The following KIAA1328 variants were observed in gnomAD, a reference collection of about 807,000 sequenced individuals.
KIAA1328 encodes the protein protein hinderin.
KIAA1328 carries 52 observed loss-of-function variants against 68.1 expected under a neutral mutation model. That is an observed-to-expected ratio of 0.76 (90% CI 0.61 to 0.96). The LOEUF (loss-of-function observed/expected upper bound fraction) is 0.96, where lower values mean the gene tolerates loss of function less well. KIAA1328 is among the 40% of genes least tolerant of loss of function. The pLI is 0.00. For missense variants in KIAA1328, 641 were observed against 677.6 expected (o/e 0.95, Z 0.60); for synonymous variants, 232 against 239.4 (o/e 0.97, Z 0.28).
At chr18:37,121,491 G>A (rs529038061) in intron 7 of KIAA1328, among the ~76,000 whole-genome samples, 15 of 151,038 alleles carry the variant, frequency 9.9e-5, no homozygotes, top group South Asian at 2.1e-4. Flanking sequence ...TCCATCTATC[G>A]TTACAAATAA....
At chr18:37,062,559 C>T (rs1376050700) in intron 6 of KIAA1328, among the ~76,000 whole-genome samples, 2 of 151,818 alleles carry the variant, frequency 1.3e-5, no homozygotes, top group Non-Finnish European at 2.9e-5. Context: ...GGGTTCACGC[C>T]ATTCTCTTGC....
chr18:36,917,953 G>A (rs1041715930), intron 5 of KIAA1328, among the ~76,000 whole-genome samples: 3 of 151,942 alleles, frequency 2.0e-5, no homozygotes, highest in Non-Finnish European at 4.4e-5. Flanking sequence ...CATCTCCAGC[G>A]ATTTTAGACA....
At chr18:36,842,980 A>T (rs1405360505) in intron 3 of KIAA1328, among the ~76,000 whole-genome samples, 2 of 152,054 alleles carry the variant, frequency 1.3e-5, no homozygotes, top group Non-Finnish European at 2.9e-5. Context: ...ATCAAATGCC[A>T]ATTTTCCTGG....
rs540207704 is a variant in KIAA1328, at chr18:37,013,516, TC to T, written c.577-53370del. 3.4e-4 allele frequency among the ~76,000 whole-genome samples: 52 copies of T among 152,224 alleles called. No homozygotes were observed. The South Asian group carries it at 8.1e-3, about 24-fold the overall frequency. The stretch of plus-strand genomic sequence containing the variant: ...CCATCCCCCTCACTCCCCACAGTAC[TC>T]CCCAGTGTCTATTGTTGCCATCTTC... On this transcript the variant is annotated intron_variant, in intron 6 of 9. Transcript: ENST00000280020.
chr18:36,971,413 T>C (rs2052204268), intron 6 of KIAA1328, among the ~76,000 whole-genome samples: 1 of 152,142 alleles, frequency 6.6e-6, no homozygotes, highest in Non-Finnish European at 1.5e-5. Context: ...GTGGATCACC[T>C]GAGGTTGGGA....
intron 5 of KIAA1328, among the ~76,000 whole-genome samples, chr18:36,945,860 G>C (rs1010201417): frequency 1.3e-5 from 2 of 152,126 alleles, no homozygotes; most frequent in Non-Finnish European, 2.9e-5. Context: ...AAGCACTACA[G>C]GTAGTATTTG....
intron 6 of KIAA1328, among the ~76,000 whole-genome samples, chr18:37,006,936 A>T (rs2053806190): frequency 6.6e-6 from 1 of 152,180 alleles, no homozygotes; most frequent in South Asian, 2.1e-4. Context: ...AACTCAAAAG[A>T]GCAATGCCTG....
chr18:37,066,970 C>T lies in KIAA1328; in HGVS notation c.657C>T (p.Thr219=). ...GSYLSIARPQ[T]YYQTKQRPKS... is the part of the protein sequence containing the mutation. The stretch of plus-strand genomic sequence containing the variant: ...ACTTGAGCATAGCCAGACCACAGAC[C>T]TACTATCAAACCAAGCAAAGACCTA... The change falls in exon 7 of 10, where the codon ACC becomes ACT. Residue 219 remains threonine, a synonymous_variant. Transcript: ENST00000280020. The T allele has an allele frequency of 1.2e-6, 2 of 1,613,258 alleles. No individual in the cohort carries two copies. The highest frequency in any genetic ancestry group is 1.7e-6 in the Non-Finnish European group (2 of 1,179,536).
intron 6 of KIAA1328, among the ~76,000 whole-genome samples, chr18:37,053,718 G>A (rs988455955): frequency 6.6e-6 from 1 of 152,020 alleles, no homozygotes; most frequent in African/African-American, 2.4e-5. Context: ...CCTTCTTCAC[G>A]ATCTTGTGAG....
chr18:37,155,656 A>T (rs1181498177), intron 7 of KIAA1328, among the ~76,000 whole-genome samples: 2 of 152,014 alleles, frequency 1.3e-5, no homozygotes, highest in Non-Finnish European at 1.5e-5. Flanking sequence ...TTCTGGTTGG[A>T]TCATATCATT....
chr18:36,977,391 C>T (rs889053201), intron 6 of KIAA1328, among the ~76,000 whole-genome samples: 3 of 152,192 alleles, frequency 2.0e-5, no homozygotes, highest in East Asian at 1.9e-4. Flanking sequence ...TACACCTTTA[C>T]ACAGTGTTCA....
At chr18:37,230,021 A>G (rs1022355039), downstream of KIAA1328, 1 of 153,794 alleles carries the variant, frequency 6.5e-6, no homozygotes, top group Non-Finnish European at 1.4e-5. Flanking sequence ...GATTCATGCT[A>G]GAACATGTAA....
chr18:37,122,042 G>T (rs1031805296), intron 7 of KIAA1328, among the ~76,000 whole-genome samples: 3 of 152,064 alleles, frequency 2.0e-5, no homozygotes, highest in African/African-American at 7.2e-5. Flanking sequence ...TTTAGAATTT[G>T]AGTGCATTTA....
At chr18:37,013,160 A>C (rs1156369214) in intron 6 of KIAA1328, among the ~76,000 whole-genome samples, 1 of 152,132 alleles carries the variant, frequency 6.6e-6, no homozygotes, top group Non-Finnish European at 1.5e-5. Context: ...AGTCCTGTGG[A>C]CTTTCAGAGA....
At chr18:36,868,580 T>C (rs1191217574) in intron 4 of KIAA1328, among the ~76,000 whole-genome samples, 5 of 152,174 alleles carry the variant, frequency 3.3e-5, no homozygotes, top group African/African-American at 9.7e-5. Context: ...CCGCACAGAT[T>C]GTACTGTAGA....
At chr18:37,052,557 T>A (rs2055741143) in intron 6 of KIAA1328, among the ~76,000 whole-genome samples, 1 of 151,964 alleles carries the variant, frequency 6.6e-6, no homozygotes, top group Admixed American at 6.5e-5. Flanking sequence ...ATTATCTCTG[T>A]TCACTGACGA....
intron 4 of KIAA1328, among the ~76,000 whole-genome samples, chr18:36,867,236 T>C (rs1157899015): frequency 1.8e-4 from 27 of 152,190 alleles, no homozygotes; most frequent in Admixed American, 1.7e-3. Flanking sequence ...GAGAAATGAA[T>C]GGTTTAGCTT....
chr18:36,948,691 A>G (rs2051012469), intron 5 of KIAA1328, among the ~76,000 whole-genome samples: 2 of 151,866 alleles, frequency 1.3e-5, no homozygotes, highest in African/African-American at 4.8e-5. Context: ...CTCAGATTAC[A>G]GGCATGCGCC....
intron 4 of KIAA1328, among the ~76,000 whole-genome samples, chr18:36,878,725 T>A (rs2048227492): frequency 6.6e-6 from 1 of 152,234 alleles, no homozygotes; most frequent in Non-Finnish European, 1.5e-5. Flanking sequence ...TTCATTCTTT[T>A]TTTCTCTAAT....
Sources: allele counts gnomAD v4.1 joint callset (sites outside exome capture counted in the v4.1 genomes callset), GRCh38; gene constraint gnomAD v4.1.1; transcripts MANE v1.5; gene names NCBI Gene and HGNC (gene_info 2026-07-23, HGNC 2026-07-21).